Variants in TMEM106B observed in about 807,000 individuals in gnomAD.
TMEM106B encodes the protein transmembrane protein 106B.
In TMEM106B, 15 loss-of-function variants were observed where a neutral mutation model predicts 31.1. The ratio of observed to expected loss-of-function variants is 0.48; its 90% CI spans 0.32 to 0.74. TMEM106B has a LOEUF of 0.74. Ranked by LOEUF, TMEM106B falls within the 30% of genes least tolerant of loss-of-function variation. TMEM106B has a pLI of 0.03. For missense variants in TMEM106B, 283 were observed against 327.3 expected, an observed-to-expected ratio of 0.86 and a Z score of 1.04; for synonymous variants, 126 against 112.5, an observed-to-expected ratio of 1.12 and a Z score of -0.76.
At chr7:12,211,699 TTGA>T (rs1781580192) in intron 1 of TMEM106B, among the ~76,000 whole-genome samples, 1 of 152,244 alleles carries the variant, frequency 6.6e-6, no homozygotes, top group South Asian at 2.1e-4. Flanking sequence ...CCTTTTGCTG[TTGA>T]TGAATGTTCT....
chr7:12,223,944 C>T (rs1781842406), intron 3 of TMEM106B, among the ~76,000 whole-genome samples: 1 of 152,022 alleles, frequency 6.6e-6, no homozygotes, highest in African/African-American at 2.4e-5. Flanking sequence ...TGGTCTCGAA[C>T]TCCTGACCTC....
Position 12,229,831 on chromosome 7 carries a change from T to C in TMEM106B, c.582+12T>C. ...TTGATATGAAACAAGTAAGAATCAATCATGAAATACTTTGTAAGAGTTAAA... is the reference window on the plus strand; with the variant it reads ...TTGATATGAAACAAGTAAGAATCAACCATGAAATACTTTGTAAGAGTTAAA... On this transcript the variant is annotated intron_variant, in intron 5 of 7. Transcript: ENST00000396668. 3 of 1,595,316 alleles carry C rather than the reference T, an allele frequency of 1.9e-6. No homozygotes were observed. The highest frequency in any genetic ancestry group is 2.6e-6 in the Non-Finnish European group (3 of 1,172,492).
At chr7:12,227,092 A>C (rs905543397) in intron 4 of TMEM106B, among the ~76,000 whole-genome samples, 2 of 152,166 alleles carry the variant, frequency 1.3e-5, no homozygotes, top group African/African-American at 4.8e-5. Context: ...AATTATGCAG[A>C]AATTCTCACA....
chr7:12,236,134 G>T lies in TMEM106B; in HGVS notation c.*4159G>T, dbSNP rs984173458. The T allele has an allele frequency of 1.3e-4, 20 of 151,896 alleles. No homozygotes were observed. Among genetic ancestry groups the T allele is most frequent in the African/African-American group, 4.8e-4 (20 of 41,406 alleles). The allele number at this position is 151,896 out of a possible 1,614,324, so 9.4% of individuals were successfully genotyped here. The stretch of plus-strand genomic sequence containing the variant: ...TCAAAAATTTAACTTCTGTGTCCCA[G>T]ATCTACTTTCAAAGTGAGATTTTCA... On this transcript the variant is annotated 3_prime_UTR_variant, in exon 8 of 8. Transcript: ENST00000396668.
Position 12,234,432 on chromosome 7 carries a change from A to G in TMEM106B, c.*2457A>G, listed in dbSNP as rs1481323613. The G allele has an allele frequency of 6.6e-6, 1 of 151,876 alleles. No individual in the cohort carries two copies. The highest frequency in any genetic ancestry group is 1.5e-5 in the Non-Finnish European group (1 of 67,790). The allele number at this position is 151,876 out of a possible 1,614,324, so 9.4% of individuals were successfully genotyped here. A position where few individuals can be genotyped will look rare whatever the true frequency, so the allele number is the denominator to read the frequency against. On this transcript the variant is annotated 3_prime_UTR_variant, in exon 8 of 8. Coordinates refer to ENST00000396668, the MANE Select transcript of TMEM106B (RefSeq NM_001134232.2). ...ATGGTATGTGACTACTTTCAGAGAG[A>G]GTTAAGTAACTGTCAGAATAAGCCT...
In TMEM106B at chr7:12,212,723, A is replaced by C. The variant is rs1781604919; in HGVS notation, c.-3+1298A>C. ...AGTCAGAGCCCTTAGTGCATCCAGCACTGGAGCAACACACATTGTACCCAC... is the reference window on the plus strand; with the variant it reads ...AGTCAGAGCCCTTAGTGCATCCAGCCCTGGAGCAACACACATTGTACCCAC... On this transcript the variant is annotated intron_variant, in intron 1 of 7. Coordinates refer to ENST00000396668, the MANE Select transcript of TMEM106B (RefSeq NM_001134232.2). 1.3e-5 allele frequency among the ~76,000 whole-genome samples: 2 copies of C among 152,188 alleles called. 1 individual carries two copies. Among genetic ancestry groups the C allele is most frequent in the South Asian group, 4.1e-4 (2 of 4,834 alleles).
chr7:12,213,010 C>A (rs1470671574), intron 1 of TMEM106B, among the ~76,000 whole-genome samples: 4 of 152,066 alleles, frequency 2.6e-5, no homozygotes, highest in Admixed American at 1.3e-4. Context: ...CAGGAAAATA[C>A]CAGCAGGGTG....
intron 3 of TMEM106B, among the ~76,000 whole-genome samples, chr7:12,218,977 A>G (rs936043828): frequency 2.0e-5 from 3 of 152,138 alleles, no homozygotes; most frequent in Non-Finnish European, 4.4e-5. Flanking sequence ...GTCCCAAAAG[A>G]AGAGGACACC....
At chr7:12,225,010 C>T (rs1415746536) in intron 4 of TMEM106B, among the ~76,000 whole-genome samples, 2 of 152,034 alleles carry the variant, frequency 1.3e-5, no homozygotes, top group African/African-American at 2.4e-5. Flanking sequence ...AATGCTATCC[C>T]TCCCCCATCC....
chr7:12,231,197 C>A, intron 7 of TMEM106B, 82 bp downstream of exon 7: 1 of 995,530 alleles, frequency 1.0e-6, no homozygotes, highest in Non-Finnish European at 1.5e-6. Flanking sequence ...TACACAACAT[C>A]TTTATAAATG....
Position 12,237,675 on chromosome 7 carries a change from C to T in TMEM106B, c.*5700C>T, listed in dbSNP as rs1782164397. 1 of 151,790 alleles carries T rather than the reference C, an allele frequency of 6.6e-6. No individual in the cohort carries two copies. The highest frequency in any genetic ancestry group is 1.5e-5 in the Non-Finnish European group (1 of 67,956). 9.4% of individuals were successfully genotyped at this position (151,790 alleles called of 1,614,324 possible). ...ATGTCGAAAAACACAATATATATGCCTTAATAAAAAATAGGCTGTGTGCAG... is the reference window on the plus strand; with the variant it reads ...ATGTCGAAAAACACAATATATATGCTTTAATAAAAAATAGGCTGTGTGCAG... On this transcript the variant is annotated 3_prime_UTR_variant, in exon 8 of 8. Coordinates refer to ENST00000396668, the MANE Select transcript of TMEM106B (RefSeq NM_001134232.2).
chr7:12,217,283 G>A (rs868760319), intron 2 of TMEM106B, among the ~76,000 whole-genome samples: 5 of 152,100 alleles, frequency 3.3e-5, no homozygotes, highest in Middle Eastern at 3.2e-3. Context: ...GCAGGTAGGT[G>A]GATAGATCTG....
At chr7:12,227,889 A>G (rs1781932935) in intron 4 of TMEM106B, among the ~76,000 whole-genome samples, 1 of 151,708 alleles carries the variant, frequency 6.6e-6, no homozygotes. Flanking sequence ...CTCAACCTGT[A>G]TTACATCATT....
intron 3 of TMEM106B, among the ~76,000 whole-genome samples, chr7:12,220,079 G>C (rs990619474): frequency 3.9e-5 from 6 of 152,132 alleles, no homozygotes; most frequent in African/African-American, 1.4e-4. Flanking sequence ...TTGACATGCT[G>C]CTTCTTGACT....
At chr7:12,228,925 G>A (rs5011431) in intron 4 of TMEM106B, among the ~76,000 whole-genome samples, 76,620 of 151,698 alleles carry the variant, frequency 0.51, 20,456 homozygotes, top group African/African-American at 0.66. Flanking sequence ...GTTTATGTAT[G>A]TCCTTTGTTC....
chr7:12,232,121 G>A lies in TMEM106B; in HGVS notation c.*146G>A, dbSNP rs539621493. The A allele has an allele frequency of 4.3e-5, 27 of 629,170 alleles. No individual in the cohort carries two copies. Among genetic ancestry groups the A allele is most frequent in the South Asian group, 1.6e-4 (5 of 31,392 alleles). 39.0% of individuals were successfully genotyped at this position (629,170 alleles called of 1,614,324 possible). The stretch of plus-strand genomic sequence containing the variant: ...AGTACAGTTAAAAGTATGTGGACCT[G>A]CAGTTCTTGTAACTCTCCACTCTGT... On this transcript the variant is annotated 3_prime_UTR_variant, in exon 8 of 8. Coordinates refer to ENST00000396668, the MANE Select transcript of TMEM106B (RefSeq NM_001134232.2).
In TMEM106B at chr7:12,218,534, A is replaced by C; in HGVS notation, c.281+13A>C. On this transcript the variant is annotated intron_variant, in intron 3 of 7. Coordinates refer to ENST00000396668, the MANE Select transcript of TMEM106B (RefSeq NM_001134232.2). ...GGCCAAGAAGAACGTAAGTGATTCT[A>C]AGAATATGGCAGTGTTTTATGTTTT... 6.2e-7 allele frequency: 1 copy of C among 1,602,992 alleles called. No homozygotes were observed. Among genetic ancestry groups the C allele is most frequent in the Non-Finnish European group, 8.5e-7 (1 of 1,172,784 alleles).
intron 4 of TMEM106B, among the ~76,000 whole-genome samples, chr7:12,229,405 TAATAG>T (rs1285236955): frequency 6.6e-6 from 1 of 152,192 alleles, no homozygotes; most frequent in South Asian, 2.1e-4. Context: ...TCTTTGTATT[TAATAG>T]AATAGGAAAC....
intron 3 of TMEM106B, among the ~76,000 whole-genome samples, chr7:12,221,141 C>T (rs1781777916): frequency 6.7e-6 from 1 of 150,262 alleles, no homozygotes; most frequent in African/African-American, 2.5e-5. Flanking sequence ...TTTTACATAA[C>T]TTAAAAGATG....
Sources: gnomAD v4.1 joint callset for allele counts (sites outside exome capture counted in the v4.1 genomes callset) on GRCh38, gnomAD v4.1.1 for gene constraint, MANE v1.5 for transcripts, NCBI Gene and HGNC (gene_info 2026-07-23, HGNC 2026-07-21) for gene names.